Variants in CALR observed in about 807,000 individuals in gnomAD.
CALR encodes CRP55.
CALR carries 15 observed loss-of-function variants against 51.1 expected under a neutral mutation model. The ratio of observed to expected loss-of-function variants is 0.29; its 90% CI spans 0.20 to 0.45. The LOEUF (loss-of-function observed/expected upper bound fraction) is 0.45, where lower values mean the gene tolerates loss of function less well. Among genes scored for constraint, CALR ranks in the 20% least tolerant of loss-of-function variants. The probability of loss-of-function intolerance (pLI) is 1.00; values close to 1 mark genes in which losing one functional copy is unlikely to be tolerated. For missense variants in CALR, 477 were observed against 530.6 expected, an observed-to-expected ratio of 0.90 and a Z score of 0.99; for synonymous variants, 239 against 205.9, an observed-to-expected ratio of 1.16 and a Z score of -1.38.
At chr19:12,943,100 TTG>T in intron 7 of CALR, 2 of 148,728 alleles carry the variant, frequency 1.3e-5, no homozygotes, top group East Asian at 2.0e-4. Context: ...TTTTTTTTTT[TTG>T]GAGATGGAGT....
At chr19:12,941,367 C>T (rs1423968381) in intron 7 of CALR, among the ~76,000 whole-genome samples, 1 of 152,076 alleles carries the variant, frequency 6.6e-6, no homozygotes, top group African/African-American at 2.4e-5. Context: ...ACGATCTCAG[C>T]TCACTGCGCC....
At position 12,944,068 on chromosome 19, in the gene CALR, C is replaced by T. The variant is rs922991878; in HGVS notation, c.*155C>T. On this transcript the variant is annotated 3_prime_UTR_variant, in exon 9 of 9. Transcript: ENST00000316448. Reference sequence around the variant, plus strand: ...TTTGGTTTTGTTCCCCTCCTCCACTCTCCCCCACCCCCTCCCCGCCCTTTT... The same window carrying T: ...TTTGGTTTTGTTCCCCTCCTCCACTTTCCCCCACCCCCTCCCCGCCCTTTT... 35 of 1,163,900 alleles carry T rather than the reference C, an allele frequency of 3.0e-5. No homozygotes were observed. The highest frequency in any genetic ancestry group is 4.0e-5 in the Non-Finnish European group (33 of 826,198). The allele number at this position is 1,163,900 out of a possible 1,614,324, so 72.1% of individuals were successfully genotyped here. A position where few individuals can be genotyped will look rare whatever the true frequency, so the allele number is the denominator to read the frequency against.
In CALR at chr19:12,943,723, A is replaced by G; in HGVS notation, c.1064A>G (p.Lys355Arg). The change falls in exon 9 of 9, where the codon AAA becomes AGA. Residue 355 changes from lysine to arginine, a missense_variant. Physicochemically the swap from Lys to Arg is conservative, Grantham distance 26 (BLOSUM62 2). Transcript: ENST00000316448. ...GTGCTCTGCCTGCAGGCAGCAGAGA[A>G]ACAAATGAAGGACAAACAGGACGAG... Reference protein sequence around the residue: ...ETWGVTKAAEKQMKDKQDEEQ... With the variant: ...ETWGVTKAAERQMKDKQDEEQ... 6 of 1,614,074 alleles carry G rather than the reference A, an allele frequency of 3.7e-6. No homozygotes were observed. Among genetic ancestry groups the G allele is most frequent in the Non-Finnish European group, 5.1e-6 (6 of 1,179,944 alleles).
intron 2 of CALR, 73 bp downstream of exon 2, chr19:12,939,308 C>A (rs1971512059): frequency 5.6e-6 from 8 of 1,419,136 alleles, no homozygotes; most frequent in South Asian, 1.2e-5. Flanking sequence ...ACACACACAG[C>A]CGGGACAGTC....
rs935988386 is a variant in CALR at position 12,942,294 on chromosome 19, C to T, written c.961-1243C>T. ...AAAAGGATGACGTGAACCCGGGAGG[C>T]GGAGCTTGCAGTGAGCTGAGATCAT... On this transcript the variant is annotated intron_variant, in intron 7 of 8. Transcript: ENST00000316448. 6.7e-4 allele frequency among the ~76,000 whole-genome samples: 100 copies of T among 148,740 alleles called. 2 individuals carry two copies. Among genetic ancestry groups the T allele is most frequent in the Non-Finnish European group, 4.4e-4 (30 of 67,514 alleles).
chr19:12,944,080 C>G lies in CALR; in HGVS notation c.*167C>G. ...CCCCTCCTCCACTCTCCCCCACCCC[C>G]TCCCCGCCCTTTTTTTTTTTTTTTT... On this transcript the variant is annotated 3_prime_UTR_variant, in exon 9 of 9. Coordinates refer to ENST00000316448, the MANE Select transcript of CALR (RefSeq NM_004343.4). 9.3e-7 allele frequency: 1 copy of G among 1,074,028 alleles called. No homozygotes were observed. The highest frequency in any genetic ancestry group is 1.7e-5 in the South Asian group (1 of 59,906). 66.5% of individuals were successfully genotyped at this position (1,074,028 alleles called of 1,614,324 possible). A position where few individuals can be genotyped will look rare whatever the true frequency, so the allele number is the denominator to read the frequency against.
At chr19:12,938,828 G>A in intron 1 of CALR, 58 bp downstream of exon 1, 2 of 1,295,732 alleles carry the variant, frequency 1.5e-6, no homozygotes, top group South Asian at 1.2e-5. Context: ...CCCGATCCTG[G>A]ATCTGCGTTG....
chr19:12,940,014 G>C (rs370820816), intron 3 of CALR, 39 bp from the exon 4 acceptor site: 85 of 1,371,388 alleles, frequency 6.2e-5, no homozygotes, highest in South Asian at 1.2e-4. Flanking sequence ...GAGATGATGG[G>C]TAGTCTCTGA....
At position 12,939,568 on chromosome 19, in the gene CALR, C is replaced by A. The variant is rs763359131; in HGVS notation, c.334C>A (p.Leu112Met). 1 of 1,614,114 alleles carries A rather than the reference C, an allele frequency of 6.2e-7. No individual in the cohort carries two copies. The highest frequency in any genetic ancestry group is 1.1e-5 in the South Asian group (1 of 91,078). Residue 112 changes from leucine to methionine, a missense_variant, in exon 3 of 9, where the codon CTG (leucine) becomes ATG (methionine). Leu to Met is a conservative substitution (Grantham distance 15, BLOSUM62 2). Transcript: ENST00000316448. ...CGACTGTGGGGGCGGCTATGTGAAGCTGTTTCCTAATAGTTTGGACCAGAC... is the reference window on the plus strand; with the variant it reads ...CGACTGTGGGGGCGGCTATGTGAAGATGTTTCCTAATAGTTTGGACCAGAC... ...NIDCGGGYVK[L>M]FPNSLDQTDM...
chr19:12,940,217 C>T (rs748316232), intron 4 of CALR, 26 bp from the exon 5 acceptor site: 2 of 1,613,052 alleles, frequency 1.2e-6, no homozygotes, highest in Non-Finnish European at 1.7e-6. Flanking sequence ...GGGGGGTGGC[C>T]CCCGCTCACC....
chr19:12,942,432 C>T (rs992352132), intron 7 of CALR, among the ~76,000 whole-genome samples: 9 of 151,310 alleles, frequency 5.9e-5, no homozygotes, highest in African/African-American at 2.2e-4. Context: ...GTGCCCAAGA[C>T]AGTTCTGGCA....
Position 12,944,018 on chromosome 19 carries a change from A to G in CALR, c.*105A>G. On this transcript the variant is annotated 3_prime_UTR_variant, in exon 9 of 9. Coordinates refer to ENST00000316448, the MANE Select transcript of CALR (RefSeq NM_004343.4). ...GACTCGAGAACTTTCATTTTTTTCCAGGCTGGTTCGGATTTGGGGTGGATT... is the reference window on the plus strand; with the variant it reads ...GACTCGAGAACTTTCATTTTTTTCCGGGCTGGTTCGGATTTGGGGTGGATT... The G allele has an allele frequency of 1.3e-6, 2 of 1,548,536 alleles. No homozygotes were observed. Among genetic ancestry groups the G allele is most frequent in the Non-Finnish European group, 1.7e-6 (2 of 1,143,920 alleles).
chr19:12,939,009 G>T, intron 1 of CALR, 125 bp from the exon 2 acceptor site: 1 of 734,744 alleles, frequency 1.4e-6, no homozygotes, highest in South Asian at 1.5e-5. Context: ...CAAACTAGAG[G>T]TTGGAATGGG....
intron 7 of CALR, among the ~76,000 whole-genome samples, chr19:12,943,059 GTC>G (rs1453602540): frequency 7.0e-6 from 1 of 143,394 alleles, no homozygotes; most frequent in Non-Finnish European, 1.5e-5. Flanking sequence ...GTCCCTGGCT[GTC>G]TCTCCATCTT....
intron 3 of CALR, 130 bp from the exon 4 acceptor site, chr19:12,939,923 G>T: frequency 1.3e-6 from 1 of 770,088 alleles, no homozygotes; most frequent in South Asian, 1.5e-5. Context: ...ACAGAATCAG[G>T]GTCTGAGTTT....
Position 12,943,077 on chromosome 19 carries a change from C to CTTTTTTTTTTTTTTTTTTT in CALR, c.961-454_961-436dup. ...CCTGGCTGTCTCTCCATCTTTCCATCTTTTTTTTTTTTTTTTTTTTTTTTG... is the reference window on the plus strand; with the variant it reads ...CCTGGCTGTCTCTCCATCTTTCCATCTTTTTTTTTTTTTTTTTTTTTTTTTTTTTTTTTTTTTTTTTTTG... On this transcript the variant is annotated intron_variant, in intron 7 of 8. Coordinates refer to ENST00000316448, the MANE Select transcript of CALR (RefSeq NM_004343.4). 2 of 76,936 alleles carry CTTTTTTTTTTTTTTTTTTT rather than the reference C, an allele frequency of 2.6e-5. 1 individual carries two copies. Among genetic ancestry groups the CTTTTTTTTTTTTTTTTTTT allele is most frequent in the Non-Finnish European group, 4.5e-5 (2 of 44,310 alleles). The allele number at this position is 76,936 out of a possible 1,614,324, so 4.8% of individuals were successfully genotyped here.
At chr19:12,939,081 TGG>T in intron 1 of CALR, 51 bp from the exon 2 acceptor site, 1 of 1,029,578 alleles carries the variant, frequency 9.7e-7, no homozygotes, top group Non-Finnish European at 1.5e-6. Flanking sequence ...ATGTTTGGTG[TGG>T]GGGGGGATTA....
At position 12,940,225 on chromosome 19, in the gene CALR, A is replaced by ACCTTCTT. The variant is rs1279847714; in HGVS notation, c.493-9_493-3dup. ...CCTCATTGGGGGGTGGCCCCCGCTC[A>ACCTTCTT]CCTTCTTCCTTCTTCAGGATGATGA... On this transcript the variant is annotated splice_polypyrimidine_tract_variant and intron_variant, in intron 4 of 8. Coordinates refer to ENST00000316448, the MANE Select transcript of CALR (RefSeq NM_004343.4). The ACCTTCTT allele has an allele frequency of 3.7e-6, 6 of 1,613,926 alleles. No individual in the cohort carries two copies. Among genetic ancestry groups the ACCTTCTT allele is most frequent in the Non-Finnish European group, 4.2e-6 (5 of 1,179,852 alleles).
intron 3 of CALR, 70 bp from the exon 4 acceptor site, chr19:12,939,983 A>C (rs1390054930): frequency 9.0e-7 from 1 of 1,107,876 alleles, no homozygotes; most frequent in Non-Finnish European, 1.4e-6. Flanking sequence ...TCTTCCTTTT[A>C]TAAAGAGGGG....
Sources: gnomAD v4.1 joint callset for allele counts (sites outside exome capture counted in the v4.1 genomes callset) on GRCh38, gnomAD v4.1.1 for gene constraint, MANE v1.5 for transcripts, NCBI Gene and HGNC (gene_info 2026-07-23, HGNC 2026-07-21) for gene names.